Variants in DGKK observed in about 807,000 individuals in gnomAD.
DGKK encodes the protein 142 kDa diacylglycerol kinase.
Under a neutral mutation model 92.2 loss-of-function variants are expected in DGKK, and 35 were observed. The observed-to-expected ratio is 0.38, with a 90% CI of 0.29 to 0.50. The LOEUF is 0.50. Among genes scored for constraint, DGKK ranks in the 20% least tolerant of loss-of-function variants. DGKK has a pLI of 0.92. For synonymous variants in DGKK, 368 were observed against 360.6 expected, an observed-to-expected ratio of 1.02 and a Z score of -0.23; for missense variants, 910 against 992.2, an observed-to-expected ratio of 0.92 and a Z score of 1.11.
intron 4 of DGKK, among the ~76,000 whole-genome samples, chrX:50,418,138 G>A (rs1925484014): frequency 9.0e-6 from 1 of 111,244 alleles, no homozygotes; most frequent in Admixed American, 9.6e-5. Flanking sequence ...TCTTCCCAGA[G>A]GACTCCAGCC....
intron 1 of DGKK, among the ~76,000 whole-genome samples, chrX:50,464,958 A>G (rs1557233823): frequency 9.0e-6 from 1 of 110,763 alleles, no homozygotes; most frequent in African/African-American, 3.3e-5. Flanking sequence ...TGCTTCCCTC[A>G]TTTCCTTTCC....
chrX:50,434,545 A>G (rs1223508047), intron 1 of DGKK, among the ~76,000 whole-genome samples: 1 of 111,033 alleles, frequency 9.0e-6, no homozygotes, highest in Non-Finnish European at 1.9e-5. Flanking sequence ...ACTTCAGTTC[A>G]CTTCTTTTTT....
intron 1 of DGKK, among the ~76,000 whole-genome samples, chrX:50,468,728 GC>G (rs1303949943): frequency 9.0e-6 from 1 of 110,793 alleles, no homozygotes; most frequent in Non-Finnish European, 1.9e-5. Context: ...ATGCCAATCT[GC>G]CCCCTCCCCT....
At chrX:50,431,105 C>A (rs1167146004) in intron 1 of DGKK, among the ~76,000 whole-genome samples, 1 of 110,642 alleles carries the variant, frequency 9.0e-6, no homozygotes, top group Non-Finnish European at 1.9e-5. Flanking sequence ...AATCATGACT[C>A]ACTGTAACCT....
intron 15 of DGKK, among the ~76,000 whole-genome samples, chrX:50,385,817 G>A (rs1163379535): frequency 8.9e-6 from 1 of 111,943 alleles, no homozygotes; most frequent in African/African-American, 3.3e-5. Context: ...AGAAACTGAG[G>A]GAGTTGAAGA....
intron 25 of DGKK, 34 bp from the exon 26 acceptor site, chrX:50,371,868 T>A: frequency 1.0e-6 from 1 of 961,450 alleles, no homozygotes; most frequent in Non-Finnish European, 1.5e-6. Context: ...AAGTGTCCAA[T>A]GCCTAGCACT....
chrX:50,370,586 G>T, intron 26 of DGKK, 37 bp from the exon 27 acceptor site: 1 of 1,170,858 alleles, frequency 8.5e-7, no homozygotes. Flanking sequence ...AATGTTAGTT[G>T]CCTAATATTC....
chrX:50,440,615 G>T (rs893061838), intron 1 of DGKK, among the ~76,000 whole-genome samples: 24 of 111,600 alleles, frequency 2.2e-4, no homozygotes, highest in Admixed American at 9.5e-5. Flanking sequence ...CTTATTTACT[G>T]CATGCCTTTG....
chrX:50,381,193 C>T lies in DGKK; in HGVS notation c.2658-1116G>A, dbSNP rs141800730. The stretch of plus-strand genomic sequence containing the variant: ...TTTGAAAAATGGCTCTAGATCCGGG[C>T]GCGGTGGCTCATGCCTATAATCCTA... On this transcript the variant is annotated intron_variant, in intron 18 of 27. Transcript: ENST00000611977. 6.5e-3 allele frequency among the ~76,000 whole-genome samples: 729 copies of T among 111,914 alleles called. 5 individuals are homozygous for T. The highest frequency in any genetic ancestry group is 0.023 in the African/African-American group (706 of 30,738).
intron 15 of DGKK, among the ~76,000 whole-genome samples, chrX:50,385,669 G>A (rs1924527008): frequency 8.9e-6 from 1 of 112,119 alleles, no homozygotes; most frequent in Non-Finnish European, 1.9e-5. Context: ...TCAAGGGCCA[G>A]CCAAAGGGAC....
intron 1 of DGKK, among the ~76,000 whole-genome samples, chrX:50,445,078 C>A (rs1328066509): frequency 3.8e-5 from 4 of 104,215 alleles, no homozygotes; most frequent in African/African-American, 1.0e-4. Flanking sequence ...TTGTAGGTTG[C>A]GTGTATGTCT....
chrX:50,368,834 T>C lies in DGKK; in HGVS notation c.*106A>G. The C allele has an allele frequency of 1.6e-6, 1 of 618,337 alleles. No individual in the cohort carries two copies. The highest frequency in any genetic ancestry group is 2.5e-6 in the Non-Finnish European group (1 of 403,934). The allele number at this position is 618,337 out of a possible 1,213,427, so 51.0% of individuals were successfully genotyped here. ...AAAAGAATTGGAGGGTCTTTCTTGG[T>C]GGTGCTCATGTTTGTTCTGAAATGA... On this transcript the variant is annotated 3_prime_UTR_variant, in exon 28 of 28. Coordinates refer to ENST00000611977, the MANE Select transcript of DGKK (RefSeq NM_001013742.4).
chrX:50,392,418 G>A lies in DGKK; in HGVS notation c.1627C>T (p.Arg543Cys), dbSNP rs868993225. 2 of 1,210,148 alleles carry A rather than the reference G, an allele frequency of 1.7e-6. No individual in the cohort carries two copies. Among genetic ancestry groups the A allele is most frequent in the Non-Finnish European group, 2.2e-6 (2 of 894,654 alleles). The change falls in exon 10 of 28, where the codon CGC becomes TGC. Residue 543 changes from arginine to cysteine, a missense_variant. Coordinates refer to ENST00000611977, the MANE Select transcript of DGKK (RefSeq NM_001013742.4). ...LSMFKNFARF[R>C]ILVCGGDGSV... ...CCATCTCCACCACAAACCAGAATGCGAAAGCGAGCAAAGTTCTTGAACATA... is the reference window on the plus strand; with the variant it reads ...CCATCTCCACCACAAACCAGAATGCAAAAGCGAGCAAAGTTCTTGAACATA...
intron 17 of DGKK, 116 bp from the exon 18 acceptor site, chrX:50,382,719 A>G: frequency 2.1e-6 from 1 of 484,932 alleles, no homozygotes; most frequent in Non-Finnish European, 3.5e-6. Flanking sequence ...CCCCCTCCAC[A>G]CTGGGCACTA....
At chrX:50,398,591 T>C (rs1411206833) in intron 8 of DGKK, among the ~76,000 whole-genome samples, 1 of 111,724 alleles carries the variant, frequency 9.0e-6, no homozygotes, top group Non-Finnish European at 1.9e-5. Flanking sequence ...ATTATATCAC[T>C]GGTGGAAAGA....
chrX:50,410,468 C>T (rs1314430028), intron 4 of DGKK, among the ~76,000 whole-genome samples: 1 of 111,823 alleles, frequency 8.9e-6, no homozygotes, highest in South Asian at 3.8e-4. Flanking sequence ...TGATGAAATT[C>T]GATATTTAGC....
At chrX:50,390,560 C>A (rs1557225424) in intron 11 of DGKK, among the ~76,000 whole-genome samples, 151 bp from the exon 12 acceptor site, 1 of 111,320 alleles carries the variant, frequency 9.0e-6, no homozygotes, top group African/African-American at 3.3e-5. Context: ...GTCACCTGAT[C>A]TCAAGGTGAC....
intron 1 of DGKK, among the ~76,000 whole-genome samples, chrX:50,452,668 C>T (rs1926523793): frequency 8.9e-6 from 1 of 111,997 alleles, no homozygotes; most frequent in Non-Finnish European, 1.9e-5. Context: ...TGAATTCCAC[C>T]ATGTATTGGT....
chrX:50,379,974 C>T lies in DGKK; in HGVS notation c.2754+7G>A. The T allele has an allele frequency of 8.3e-7, 1 of 1,209,423 alleles. No homozygotes were observed. The highest frequency in any genetic ancestry group is 1.1e-6 in the Non-Finnish European group (1 of 893,468). On this transcript the variant is annotated splice_region_variant and intron_variant, in intron 19 of 27. Coordinates refer to ENST00000611977, the MANE Select transcript of DGKK (RefSeq NM_001013742.4). ...ACCCAGGAAAGACTACCCGCTTTTC[C>T]ACTAACCTCCAAATGCACTCGTTCT...
Sources: allele counts gnomAD v4.1 joint callset (sites outside exome capture counted in the v4.1 genomes callset), GRCh38; gene constraint gnomAD v4.1.1; transcripts MANE v1.5; gene names NCBI Gene and HGNC (gene_info 2026-07-23, HGNC 2026-07-21).